Variants in PTPRD observed in about 807,000 individuals in gnomAD.
PTPRD encodes receptor-type tyrosine-protein phosphatase delta.
A neutral mutation model predicts 214.5 loss-of-function variants in PTPRD; 34 were observed. That is an observed-to-expected ratio of 0.16 (90% CI 0.12 to 0.21). The LOEUF is 0.21. PTPRD is among the 10% of genes least tolerant of loss of function. The pLI is 1.00. For missense variants in PTPRD, 2,545 were observed against 2,398.7 expected (o/e 1.06, Z -1.27); for synonymous variants, 1,128 against 845.7 (o/e 1.33, Z -5.79).
intron 11 of PTPRD, among the ~76,000 whole-genome samples, chr9:9,017,292 TTA>T (rs1364472351): frequency 6.6e-6 from 1 of 152,188 alleles, no homozygotes; most frequent in African/African-American, 2.4e-5. Context: ...TGCTGAATTT[TTA>T]TGATTCATTC....
intron 5 of PTPRD, among the ~76,000 whole-genome samples, chr9:9,807,289 CA>C (rs779071121): frequency 3.2e-4 from 49 of 152,042 alleles, no homozygotes; most frequent in Non-Finnish European, 6.6e-4. Context: ...GCTTAATTAC[CA>C]AATACACATT....
Position 8,740,934 on chromosome 9 carries a change from A to G in PTPRD, c.-103-6988T>C, listed in dbSNP as rs143994309. 4.5e-3 allele frequency among the ~76,000 whole-genome samples: 682 copies of G among 152,312 alleles called. 3 individuals are homozygous for G. The highest frequency in any genetic ancestry group is 0.016 in the African/African-American group (651 of 41,578). On this transcript the variant is annotated intron_variant, in intron 11 of 45. Coordinates refer to ENST00000381196, the MANE Select transcript of PTPRD (RefSeq NM_002839.4). Reference sequence around the variant, plus strand: ...CCGAAGAGTAAAACAATTCCTATCAATATAGACACTTAAAAGATCCCTTAT... The same window carrying G: ...CCGAAGAGTAAAACAATTCCTATCAGTATAGACACTTAAAAGATCCCTTAT...
At chr9:9,913,514 G>C (rs112833557) in intron 5 of PTPRD, among the ~76,000 whole-genome samples, 2 of 152,160 alleles carry the variant, frequency 1.3e-5, no homozygotes, top group Admixed American at 6.5e-5. Context: ...GATTGGACTG[G>C]AGTGTCGAAG....
chr9:9,885,673 G>T (rs2070601075), intron 5 of PTPRD, among the ~76,000 whole-genome samples: 1 of 151,940 alleles, frequency 6.6e-6, no homozygotes, highest in South Asian at 2.1e-4. Context: ...GCATGCTATG[G>T]GGCCACAAGT....
rs1216286367 is a variant in PTPRD at position 8,316,353 on chromosome 9, T to A, written c.*1521A>T. ...GGCATCAATTATAAGGCACTCTAAA[T>A]GCAAAACTAAAACCAAAACGAAACA... On this transcript the variant is annotated 3_prime_UTR_variant, in exon 46 of 46. Coordinates refer to ENST00000381196, the MANE Select transcript of PTPRD (RefSeq NM_002839.4). 8.6e-6 allele frequency: 2 copies of A among 231,466 alleles called. No homozygotes were observed. Among genetic ancestry groups the A allele is most frequent in the Non-Finnish European group, 1.7e-5 (2 of 116,762 alleles). 14.3% of individuals were successfully genotyped at this position (231,466 alleles called of 1,614,324 possible).
At chr9:8,335,625 A>G (rs1014004088) in intron 43 of PTPRD, among the ~76,000 whole-genome samples, 1 of 152,200 alleles carries the variant, frequency 6.6e-6, no homozygotes, top group Non-Finnish European at 1.5e-5. Flanking sequence ...TCAACACAGT[A>G]TTGGAAGTTC....
intron 11 of PTPRD, among the ~76,000 whole-genome samples, chr9:8,771,007 G>A (rs989064638): frequency 2.6e-5 from 4 of 151,686 alleles, no homozygotes; most frequent in Non-Finnish European, 4.4e-5. Flanking sequence ...GTGAAACCCC[G>A]TCTCTACTAA....
At chr9:8,865,514 C>T (rs2098180641) in intron 11 of PTPRD, among the ~76,000 whole-genome samples, 1 of 152,108 alleles carries the variant, frequency 6.6e-6, no homozygotes, top group Admixed American at 6.6e-5. Flanking sequence ...CCCGTATAGT[C>T]CACTAAATAG....
At chr9:8,418,219 C>CTTTTTTTTTTTTTTTTTTTTTTTTTT (rs370640821) in intron 35 of PTPRD, among the ~76,000 whole-genome samples, 1 of 150,188 alleles carries the variant, frequency 6.7e-6, no homozygotes, top group Non-Finnish European at 1.5e-5. Flanking sequence ...CTTTCTTATC[C>CTTTTTTTTTTTTTTTTTTTTTTTTTT]TTTTCTTTTT....
intron 3 of PTPRD, among the ~76,000 whole-genome samples, chr9:10,049,248 T>C (rs2097473600): frequency 6.6e-6 from 1 of 152,050 alleles, no homozygotes. Flanking sequence ...TCCTCATTTT[T>C]CCAGGACAGA....
At position 8,316,669 on chromosome 9, in the gene PTPRD, A is replaced by G. The variant is rs1822014453; in HGVS notation, c.*1205T>C. 6 of 230,998 alleles carry G rather than the reference A, an allele frequency of 2.6e-5. No homozygotes were observed. The East Asian group carries it at 3.7e-4, about 14-fold the overall frequency. 14.3% of individuals were successfully genotyped at this position (230,998 alleles called of 1,614,324 possible). A position where few individuals can be genotyped will look rare whatever the true frequency, so the allele number is the denominator to read the frequency against. ...TGTTAGAAATATTGAACTTTGTTGG[A>G]AGCCTGACTAACAAACAAACAAAAC... On this transcript the variant is annotated 3_prime_UTR_variant, in exon 46 of 46. Transcript: ENST00000381196.
At chr9:9,457,374 T>C (rs948268846) in intron 8 of PTPRD, among the ~76,000 whole-genome samples, 1 of 152,010 alleles carries the variant, frequency 6.6e-6, no homozygotes, top group Non-Finnish European at 1.5e-5. Flanking sequence ...TTGGGCACTG[T>C]TATAATTCCT....
chr9:9,773,426 G>A (rs1417518055), intron 5 of PTPRD, among the ~76,000 whole-genome samples: 2 of 152,246 alleles, frequency 1.3e-5, no homozygotes. Context: ...ATATATACAT[G>A]ATGATTGACA....
chr9:9,458,052 G>A (rs911125192), intron 8 of PTPRD, among the ~76,000 whole-genome samples: 1 of 152,018 alleles, frequency 6.6e-6, no homozygotes, highest in Non-Finnish European at 1.5e-5. Context: ...AGACAATTAT[G>A]CTTTGAAAGC....
chr9:10,127,173 T>C (rs1193767486), intron 3 of PTPRD, among the ~76,000 whole-genome samples: 2 of 150,350 alleles, frequency 1.3e-5, no homozygotes, highest in Non-Finnish European at 3.0e-5. Context: ...GCCCCATGTG[T>C]TCTTCTAGCA....
At chr9:8,330,794 T>C (rs1005433036) in intron 44 of PTPRD, among the ~76,000 whole-genome samples, 11 of 151,642 alleles carry the variant, frequency 7.3e-5, no homozygotes, top group Middle Eastern at 3.7e-3. Flanking sequence ...TAAAGAACTA[T>C]AGTTTTCTTT....
chr9:10,361,118 TA>T, intron 2 of PTPRD, among the ~76,000 whole-genome samples: 1 of 152,248 alleles, frequency 6.6e-6, no homozygotes, highest in East Asian at 1.9e-4. Context: ...AACAAACAAA[TA>T]AACAAAAAAT....
At chr9:10,023,693 G>T (rs1589133389) in intron 4 of PTPRD, among the ~76,000 whole-genome samples, 1 of 149,050 alleles carries the variant, frequency 6.7e-6, no homozygotes. Flanking sequence ...ATTAGCCTCA[G>T]CCATTCAATT....
intron 43 of PTPRD, among the ~76,000 whole-genome samples, chr9:8,335,596 C>T (rs141833682): frequency 6.6e-6 from 1 of 152,130 alleles, no homozygotes; most frequent in African/African-American, 2.4e-5. Flanking sequence ...ACAGGGATGC[C>T]CTCTCTCACC....
Sources: allele counts gnomAD v4.1 joint callset (sites outside exome capture counted in the v4.1 genomes callset), GRCh38; gene constraint gnomAD v4.1.1; transcripts MANE v1.5; gene names NCBI Gene and HGNC (gene_info 2026-07-23, HGNC 2026-07-21).